The following CA13 variants were observed in gnomAD, a reference collection of about 807,000 sequenced individuals.
CA13 encodes the protein CA-XIII.
CA13 carries 21 observed loss-of-function variants against 31.5 expected under a neutral mutation model. That is an observed-to-expected ratio of 0.67 (90% CI 0.47 to 0.96). The LOEUF (loss-of-function observed/expected upper bound fraction) is 0.96. Among genes scored for constraint, CA13 ranks in the 40% least tolerant of loss-of-function variants. CA13 has a pLI of 0.00. For synonymous variants in CA13, 117 were observed against 111.4 expected, an observed-to-expected ratio of 1.05 and a Z score of -0.32; for missense variants, 315 against 318.9, an observed-to-expected ratio of 0.99 and a Z score of 0.09.
At chr8:85,263,985 A>C (rs967627726) in intron 3 of CA13, among the ~76,000 whole-genome samples, 2 of 152,204 alleles carry the variant, frequency 1.3e-5, no homozygotes, top group Admixed American at 1.3e-4. Flanking sequence ...GAGAAGTGAA[A>C]GAAAGAAAAA....
rs773073385 is a variant in CA13 at position 85,267,864 on chromosome 8, C to T, written c.451-38C>T. On this transcript the variant is annotated intron_variant, in intron 4 of 6. Transcript: ENST00000321764. Reference sequence around the variant, plus strand: ...AATTGAGTGATTCAGACTTGATCTGCTACAGTAACCATTTCTTTTGAAATT... The same window carrying T: ...AATTGAGTGATTCAGACTTGATCTGTTACAGTAACCATTTCTTTTGAAATT... 7 of 1,286,142 alleles carry T rather than the reference C, an allele frequency of 5.4e-6. No individual in the cohort carries two copies. In the Admixed American group the frequency reaches 7.3e-5, roughly 13 times the overall value. The allele number at this position is 1,286,142 out of a possible 1,614,324, so 79.7% of individuals were successfully genotyped here.
rs1277338466 is a variant in CA13, at chr8:85,283,767, C to T, written c.*2418C>T. On this transcript the variant is annotated 3_prime_UTR_variant, in exon 7 of 7. Transcript: ENST00000321764. ...GTCTGTGAGAGTTACTACTTTGTAA[C>T]TTATGGTTTCTGCTTCAGTATTGTG... The T allele has an allele frequency of 1.3e-5, 2 of 152,600 alleles. No individual in the cohort carries two copies. Among genetic ancestry groups the T allele is most frequent in the Admixed American group, 1.3e-4 (2 of 15,284 alleles). 9.5% of individuals were successfully genotyped at this position (152,600 alleles called of 1,614,324 possible). A position where few individuals can be genotyped will look rare whatever the true frequency, so the allele number is the denominator to read the frequency against.
intron 6 of CA13, among the ~76,000 whole-genome samples, chr8:85,277,041 G>T (rs1349575189): frequency 1.3e-5 from 2 of 152,170 alleles, no homozygotes; most frequent in Non-Finnish European, 2.9e-5. Context: ...TCAGCGCCCT[G>T]TCAAAATAGA....
chr8:85,267,688 G>T (rs1480287772), intron 4 of CA13, among the ~76,000 whole-genome samples: 1 of 152,192 alleles, frequency 6.6e-6, no homozygotes, highest in Non-Finnish European at 1.5e-5. Flanking sequence ...TGAAAGTTCA[G>T]TACAGGAACC....
chr8:85,255,565 A>G (rs1807278733), intron 2 of CA13, among the ~76,000 whole-genome samples: 1 of 151,498 alleles, frequency 6.6e-6, no homozygotes, highest in African/African-American at 2.4e-5. Context: ...TTTAGTAGAG[A>G]CAGGGTTTCG....
intron 1 of CA13, chr8:85,249,836 C>T (rs1813794605): frequency 2.2e-6 from 1 of 452,062 alleles, no homozygotes; most frequent in Non-Finnish European, 4.4e-6. Flanking sequence ...GAAACTACAG[C>T]TTTGCTGCTG....
chr8:85,258,380 T>C (rs958957338), intron 2 of CA13, among the ~76,000 whole-genome samples: 1 of 152,210 alleles, frequency 6.6e-6, no homozygotes, highest in African/African-American at 2.4e-5. Context: ...AAATGTACTT[T>C]GTCAAAGTGA....
rs1035214121 is a variant in CA13, at chr8:85,246,965, AAACT to A, written c.37+1104_37+1107del. ...AATTTTATAGAAAGTTTAATTTCAC[AAACT>A]AACAGAAAAATTCTATTTCTAATTG... On this transcript the variant is annotated intron_variant, in intron 1 of 6. Coordinates refer to ENST00000321764, the MANE Select transcript of CA13 (RefSeq NM_198584.3). Among the ~76,000 whole-genome samples the A allele has an allele frequency of 5.3e-5, 8 of 152,356 alleles. No individual in the cohort carries two copies. The East Asian group carries it at 9.6e-4, about 18-fold the overall frequency.
chr8:85,261,468 C>T (rs764882827), intron 3 of CA13, among the ~76,000 whole-genome samples: 17 of 151,924 alleles, frequency 1.1e-4, no homozygotes, highest in Non-Finnish European at 2.4e-4. Flanking sequence ...CTCTTGTTGC[C>T]CAGGCTAGAA....
Position 85,267,339 on chromosome 8 carries a change from G to A in CA13, c.451-563G>A, listed in dbSNP as rs932392831. On this transcript the variant is annotated intron_variant, in intron 4 of 6. Coordinates refer to ENST00000321764, the MANE Select transcript of CA13 (RefSeq NM_198584.3). ...AGTAGGGGTGGTTGCGGCAGGATCCGGGTGCTTTAAAACCTTCAGGTAGAT... is the reference window on the plus strand; with the variant it reads ...AGTAGGGGTGGTTGCGGCAGGATCCAGGTGCTTTAAAACCTTCAGGTAGAT... 7.1e-6 allele frequency: 7 copies of A among 982,090 alleles called. No individual in the cohort carries two copies. The African/African-American group carries it at 8.8e-5, about 12-fold the overall frequency. 60.8% of individuals were successfully genotyped at this position (982,090 alleles called of 1,614,324 possible). A position where few individuals can be genotyped will look rare whatever the true frequency, so the allele number is the denominator to read the frequency against.
chr8:85,273,936 C>A (rs1315698281), intron 6 of CA13, among the ~76,000 whole-genome samples: 2 of 151,926 alleles, frequency 1.3e-5, no homozygotes, highest in Non-Finnish European at 2.9e-5. Context: ...TTTATAGTCT[C>A]CTGTAAACAA....
At chr8:85,280,313 A>ATG (rs1157733831) in intron 6 of CA13, among the ~76,000 whole-genome samples, 1 of 152,108 alleles carries the variant, frequency 6.6e-6, no homozygotes, top group Non-Finnish European at 1.5e-5. Context: ...AAAATATCAC[A>ATG]TGTGGAAAAC....
chr8:85,276,200 C>T (rs551399870), intron 6 of CA13, among the ~76,000 whole-genome samples: 2 of 152,284 alleles, frequency 1.3e-5, no homozygotes, highest in South Asian at 2.1e-4. Context: ...AGGGGCTTAG[C>T]ACCTGGGCCA....
At chr8:85,256,109 C>G (rs1554689300) in intron 2 of CA13, among the ~76,000 whole-genome samples, 1 of 151,412 alleles carries the variant, frequency 6.6e-6, no homozygotes, top group Non-Finnish European at 1.5e-5. Context: ...CCTTAGCATA[C>G]ATAGATTAAC....
At chr8:85,269,632 G>A (rs140642368) in intron 6 of CA13, among the ~76,000 whole-genome samples, 4 of 152,306 alleles carry the variant, frequency 2.6e-5, no homozygotes, top group African/African-American at 9.6e-5. Context: ...CAGAGAGGCT[G>A]TAGGGAGGTT....
At chr8:85,253,226 T>C (rs1035013065) in intron 2 of CA13, among the ~76,000 whole-genome samples, 1 of 148,676 alleles carries the variant, frequency 6.7e-6, no homozygotes, top group Non-Finnish European at 1.5e-5. Context: ...ATTACAGGCG[T>C]GAGCCACTGC....
intron 6 of CA13, among the ~76,000 whole-genome samples, chr8:85,277,990 C>T (rs1177445551): frequency 6.6e-6 from 1 of 151,840 alleles, no homozygotes; most frequent in Non-Finnish European, 1.5e-5. Flanking sequence ...CTTTCAGGCC[C>T]CGGGGGAGAA....
rs868606075 is a variant in CA13 at position 85,245,934 on chromosome 8, C to T, written c.37+69C>T. ...CGAGAGGACTAGCGCGACGCCCCGG[C>T]GCTCGCTGACCACACACTGGGCTCG... On this transcript the variant is annotated intron_variant, in intron 1 of 6. Coordinates refer to ENST00000321764, the MANE Select transcript of CA13 (RefSeq NM_198584.3). The T allele has an allele frequency of 3.8e-6, 6 of 1,565,766 alleles. 1 individual carries two copies. In the Middle Eastern group the frequency reaches 8.3e-4, roughly 217 times the overall value.
chr8:85,256,441 C>T (rs184557457), intron 2 of CA13, among the ~76,000 whole-genome samples: 1 of 152,254 alleles, frequency 6.6e-6, no homozygotes, highest in Admixed American at 6.5e-5. Flanking sequence ...ATTCAGTGAT[C>T]GTTCTTTAAT....
Sources: allele counts gnomAD v4.1 joint callset (sites outside exome capture counted in the v4.1 genomes callset), GRCh38; gene constraint gnomAD v4.1.1; transcripts MANE v1.5; gene names NCBI Gene and HGNC (gene_info 2026-07-23, HGNC 2026-07-21).